SLX4IP: variants seen among roughly 807,000 people sequenced by gnomAD.
SLX4IP encodes SLX4 interacting protein.
Under a neutral mutation model 32.9 loss-of-function variants are expected in SLX4IP, and 34 were observed. The ratio of observed to expected loss-of-function variants is 1.03; its 90% CI spans 0.79 to 1.38. The LOEUF (loss-of-function observed/expected upper bound fraction) is 1.38, where lower values mean the gene tolerates loss of function less well. Among genes scored for constraint, SLX4IP ranks in the 40% most tolerant of loss-of-function variants. The pLI, the probability that SLX4IP is intolerant of heterozygous loss-of-function variation, is 0.00. For missense variants in SLX4IP, 444 were observed against 479.0 expected, an observed-to-expected ratio of 0.93 and a Z score of 0.68; for synonymous variants, 172 against 171.7, an observed-to-expected ratio of 1.00 and a Z score of -0.01.
At chr20:10,534,809 A>C (rs1450137751) in intron 2 of SLX4IP, among the ~76,000 whole-genome samples, 2 of 152,200 alleles carry the variant, frequency 1.3e-5, no homozygotes, top group African/African-American at 2.4e-5. Flanking sequence ...ATGTACTTGT[A>C]GGAGACCACA....
chr20:10,492,192 G>A (rs1600926339), intron 2 of SLX4IP, among the ~76,000 whole-genome samples: 1 of 152,208 alleles, frequency 6.6e-6, no homozygotes, highest in African/African-American at 2.4e-5. Context: ...TCTTGGGTGT[G>A]TGAATAGGGA....
rs868198941 is a variant in SLX4IP at position 10,473,615 on chromosome 20, T to C, written c.27+15384T>C. ...TGCCAGAGTTCTGTTTCTTTTTTTT[T>C]TTTTTGAGACAGAGTCTCACTGTGT... On this transcript the variant is annotated intron_variant, in intron 2 of 7. Coordinates refer to ENST00000334534, the MANE Select transcript of SLX4IP (RefSeq NM_001009608.3). Among the ~76,000 whole-genome samples, 645 of 152,124 alleles carry C rather than the reference T, an allele frequency of 4.2e-3. 11 individuals are homozygous for C. The highest frequency in any genetic ancestry group is 0.015 in the African/African-American group (619 of 41,488).
At chr20:10,610,310 A>G (rs1282989319) in intron 6 of SLX4IP, among the ~76,000 whole-genome samples, 1 of 152,272 alleles carries the variant, frequency 6.6e-6, no homozygotes, top group African/African-American at 2.4e-5. Context: ...ATTCAGAAGA[A>G]AAGAAAACTT....
intron 1 of SLX4IP, among the ~76,000 whole-genome samples, chr20:10,438,522 G>T (rs1346544832): frequency 6.8e-6 from 1 of 146,056 alleles, no homozygotes; most frequent in African/African-American, 2.6e-5. Flanking sequence ...CTGTCACCTG[G>T]ACTAGAGAGC....
intron 2 of SLX4IP, among the ~76,000 whole-genome samples, chr20:10,518,468 CTTTCTTTTCCTTTCCTTTCCTT>C (rs2065873916): frequency 7.2e-5 from 3 of 41,792 alleles, no homozygotes; most frequent in Non-Finnish European, 1.2e-4. Context: ...CCTTCCTTTC[CTTTCTTTTCCTTTCCTTTCCTT>C]TTCCTTCCTT....
chr20:10,540,943 G>A (rs2066099271), intron 2 of SLX4IP, among the ~76,000 whole-genome samples: 1 of 152,220 alleles, frequency 6.6e-6, no homozygotes, highest in East Asian at 1.9e-4. Flanking sequence ...GAAATTCTCT[G>A]TGATGAAAGC....
intron 2 of SLX4IP, among the ~76,000 whole-genome samples, chr20:10,463,709 A>G (rs1274549820): frequency 1.3e-5 from 2 of 152,226 alleles, no homozygotes; most frequent in Admixed American, 6.5e-5. Flanking sequence ...AAATGATGCA[A>G]CCCTCAGTTC....
rs1227896980 is a variant in SLX4IP at position 10,448,080 on chromosome 20, T to G, written c.-29-10096T>G. 1.3e-4 allele frequency among the ~76,000 whole-genome samples: 15 copies of G among 111,916 alleles called. No homozygotes were observed. The Admixed American group carries it at 1.4e-3, about 10-fold the overall frequency. 73.4% of individuals were successfully genotyped at this position (111,916 alleles called of 152,430 possible). A position where few individuals can be genotyped will look rare whatever the true frequency, so the allele number is the denominator to read the frequency against. The stretch of plus-strand genomic sequence containing the variant: ...GCACTCCTCAGATACCTCACTTGAT[T>G]CTGATGTTTGTTTGTTTTTAAGTAG... On this transcript the variant is annotated intron_variant, in intron 1 of 7. Transcript: ENST00000334534.
chr20:10,617,436 G>T (rs918936749), intron 6 of SLX4IP, among the ~76,000 whole-genome samples: 5 of 152,094 alleles, frequency 3.3e-5, no homozygotes, highest in African/African-American at 9.7e-5. Context: ...TCGTGAGGAG[G>T]TTGGAAGCTC....
chr20:10,475,296 G>A (rs1460986019), intron 2 of SLX4IP, among the ~76,000 whole-genome samples: 1 of 152,218 alleles, frequency 6.6e-6, no homozygotes, highest in Admixed American at 6.5e-5. Context: ...GGAGTGGAAA[G>A]TGAGGATCTC....
intron 2 of SLX4IP, among the ~76,000 whole-genome samples, chr20:10,541,689 TAAATA>T (rs1177443481): frequency 1.3e-5 from 2 of 152,056 alleles, no homozygotes; most frequent in African/African-American, 4.8e-5. Flanking sequence ...TCACCCTTGT[TAAATA>T]AGATACTGAG....
At position 10,624,053 on chromosome 20, in the gene SLX4IP, A is replaced by C. The variant is rs1407116866; in HGVS notation, c.*674A>C. 6.6e-6 allele frequency: 1 copy of C among 152,378 alleles called. No homozygotes were observed. The highest frequency in any genetic ancestry group is 1.5e-5 in the Non-Finnish European group (1 of 68,210). 9.4% of individuals were successfully genotyped at this position (152,378 alleles called of 1,614,324 possible). A position where few individuals can be genotyped will look rare whatever the true frequency, so the allele number is the denominator to read the frequency against. On this transcript the variant is annotated 3_prime_UTR_variant, in exon 8 of 8. Coordinates refer to ENST00000334534, the MANE Select transcript of SLX4IP (RefSeq NM_001009608.3). ...TCACCAGTTGGGGCCAGATGTGCAC[A>C]TGCATCCCCTCGGACTCCCTCAAAC...
chr20:10,595,046 C>T (rs933405591), intron 4 of SLX4IP, among the ~76,000 whole-genome samples: 6 of 152,158 alleles, frequency 3.9e-5, no homozygotes, highest in African/African-American at 7.2e-5. Context: ...CAGCTTTTTA[C>T]GACATACAGA....
chr20:10,500,066 G>T (rs2065702456), intron 2 of SLX4IP, among the ~76,000 whole-genome samples: 2 of 150,834 alleles, frequency 1.3e-5, no homozygotes, highest in South Asian at 2.1e-4. Context: ...AGACATTGTG[G>T]TCTGAGCTCT....
intron 4 of SLX4IP, among the ~76,000 whole-genome samples, chr20:10,572,715 C>T (rs1290067112): frequency 1.3e-5 from 2 of 152,116 alleles, no homozygotes; most frequent in Non-Finnish European, 2.9e-5. Flanking sequence ...TCTGCAGTGG[C>T]CTGCTTTTTG....
chr20:10,521,691 G>A (rs1405387556), intron 2 of SLX4IP, among the ~76,000 whole-genome samples: 1 of 152,214 alleles, frequency 6.6e-6, no homozygotes, highest in Middle Eastern at 3.2e-3. Context: ...AAGAAGGCCA[G>A]AAGTGGTGCT....
At chr20:10,621,259 C>A in intron 6 of SLX4IP, 55 bp from the exon 7 acceptor site, 2 of 1,489,154 alleles carry the variant, frequency 1.3e-6, no homozygotes, top group Non-Finnish European at 1.9e-6. Context: ...TAACTGTTTT[C>A]TCTCATGTTC....
intron 2 of SLX4IP, among the ~76,000 whole-genome samples, chr20:10,550,834 C>G (rs556575603): frequency 6.6e-6 from 1 of 152,336 alleles, no homozygotes; most frequent in African/African-American, 2.4e-5. Flanking sequence ...GCGACACCAC[C>G]TCCCCTTCCC....
rs1568720288 is a variant in SLX4IP, at chr20:10,518,484, T to TTC, written c.28-37746_28-37745insCT. On this transcript the variant is annotated intron_variant, in intron 2 of 7. Transcript: ENST00000334534. ...CTTCCTTTCCTTTCTTTTCCTTTCC[T>TTC]TTCCTTTTCCTTCCTTCCTTCCTTC... is the stretch of plus-strand genomic sequence containing the variant. 1.8e-3 allele frequency among the ~76,000 whole-genome samples: 112 copies of TTC among 61,682 alleles called. 2 individuals carry two copies. The highest frequency in any genetic ancestry group is 2.5e-3 in the Non-Finnish European group (59 of 23,860). The allele number at this position is 61,682 out of a possible 152,430, so 40.5% of individuals were successfully genotyped here. A position where few individuals can be genotyped will look rare whatever the true frequency, so the allele number is the denominator to read the frequency against.
Sources: allele counts gnomAD v4.1 joint callset (sites outside exome capture counted in the v4.1 genomes callset), GRCh38; gene constraint gnomAD v4.1.1; transcripts MANE v1.5; gene names NCBI Gene and HGNC (gene_info 2026-07-23, HGNC 2026-07-21).